The following POLR1C variants were observed in gnomAD, a reference collection of about 807,000 sequenced individuals.
POLR1C encodes the protein RNA polymerase I and III subunit C.
A neutral mutation model predicts 38.3 loss-of-function variants in POLR1C; 42 were observed. The observed-to-expected ratio is 1.10, with a 90% CI of 0.86 to 1.42. The LOEUF (loss-of-function observed/expected upper bound fraction) is 1.42, where lower values mean the gene tolerates loss of function less well. Ranked by LOEUF, POLR1C falls within the 40% of genes most tolerant of loss-of-function variation. The pLI, the probability that POLR1C is intolerant of heterozygous loss-of-function variation, is 0.00. For missense variants in POLR1C, 507 were observed against 450.5 expected, an observed-to-expected ratio of 1.13 and a Z score of -1.14; for synonymous variants, 163 against 163.9, an observed-to-expected ratio of 0.99 and a Z score of 0.04.
downstream of POLR1C, among the ~76,000 whole-genome samples, chr6:43,529,909 C>CAA (rs1191727799): frequency 1.5e-3 from 142 of 97,522 alleles, 2 homozygotes; most frequent in Admixed American, 2.8e-3. Flanking sequence ...GACCCTGTCT[C>CAA]AAAAAAAAAA....
chr6:43,524,885 G>A (rs558382987), downstream of POLR1C: 20 of 1,613,954 alleles, frequency 1.2e-5, no homozygotes, highest in South Asian at 4.4e-5. Context: ...TGCACCCGTC[G>A]TGCTGCCCGT....
downstream of POLR1C, chr6:43,526,053 G>A: frequency 2.2e-6 from 2 of 903,880 alleles, no homozygotes; most frequent in Non-Finnish European, 3.4e-6. Context: ...AGTACTAGGA[G>A]CCCTCCCACC....
chr6:43,546,694 T>C (rs1473368570), intron 9 of POLR1C: 1 of 1,612,906 alleles, frequency 6.2e-7, no homozygotes, highest in African/African-American at 1.3e-5. Flanking sequence ...CTCTTCTAGG[T>C]CAGTGGGCCA....
intron 9 of POLR1C, among the ~76,000 whole-genome samples, chr6:43,534,764 G>A (rs1035681705): frequency 6.6e-6 from 1 of 152,168 alleles, no homozygotes; most frequent in Non-Finnish European, 1.5e-5. Context: ...TTGGGAGGCC[G>A]AGGCTGGCGA....
intron 10 of POLR1C, chr6:43,553,404 A>AT: frequency 6.2e-7 from 1 of 1,607,864 alleles, no homozygotes. Flanking sequence ...CATCTGGGTG[A>AT]TAACACTTTC....
chr6:43,540,046 G>A (rs1794603040), intron 9 of POLR1C, among the ~76,000 whole-genome samples: 1 of 152,224 alleles, frequency 6.6e-6, no homozygotes, highest in Admixed American at 6.5e-5. Flanking sequence ...CCTGAGATCA[G>A]GAGTTTGAGA....
In POLR1C at chr6:43,528,117, T is replaced by A. The variant is rs373500175; in HGVS notation, c.923-1132T>A. On this transcript the variant is annotated intron_variant, in intron 8 of 8. Transcript: ENST00000304004. ...TTCCTTTTCCCACCCCAAACCTGGCTGCCAGTTCATCCACCAAGAAGAGTG... is the reference window on the plus strand; with the variant it reads ...TTCCTTTTCCCACCCCAAACCTGGCAGCCAGTTCATCCACCAAGAAGAGTG... 1.0e-5 allele frequency: 16 copies of A among 1,565,246 alleles called. No homozygotes were observed. The African/African-American group carries it at 2.0e-4, about 20-fold the overall frequency.
At chr6:43,548,409 G>A (rs1370578430) in intron 9 of POLR1C, 1 of 1,608,054 alleles carries the variant, frequency 6.2e-7, no homozygotes, top group Admixed American at 1.7e-5. Flanking sequence ...GTCAGGAGTA[G>A]CTCATTGGAG....
intron 10 of POLR1C, chr6:43,551,433 T>G: frequency 6.2e-7 from 1 of 1,613,504 alleles, no homozygotes; most frequent in East Asian, 2.2e-5. Context: ...ATAGCTCTAT[T>G]CCATCATTAA....
downstream of POLR1C, chr6:43,524,857 G>A (rs1319584134): frequency 2.5e-6 from 4 of 1,613,748 alleles, no homozygotes; most frequent in African/African-American, 4.0e-5. Context: ...TGGAAGGCCA[G>A]ATGGACCAGG....
chr6:43,560,146 A>G (rs1279708334), intron 10 of POLR1C: 2 of 1,606,290 alleles, frequency 1.2e-6, no homozygotes, highest in African/African-American at 1.3e-5. Context: ...GTATTCACCT[A>G]CATTCCACAT....
At chr6:43,552,215 G>A (rs749556032) in intron 10 of POLR1C, among the ~76,000 whole-genome samples, 12 of 151,990 alleles carry the variant, frequency 7.9e-5, no homozygotes, top group Non-Finnish European at 1.6e-4. Context: ...CCATGACCAT[G>A]CCCGGCTAAT....
At chr6:43,544,682 T>C (rs904054027) in intron 9 of POLR1C, among the ~76,000 whole-genome samples, 10 of 152,058 alleles carry the variant, frequency 6.6e-5, no homozygotes, top group African/African-American at 2.4e-4. Flanking sequence ...TGCTAGCACT[T>C]TGGGAGACTG....
chr6:43,535,898 G>A (rs1794290480), intron 9 of POLR1C, among the ~76,000 whole-genome samples: 1 of 151,588 alleles, frequency 6.6e-6, no homozygotes, highest in African/African-American at 2.4e-5. Context: ...CAAGGCCGGA[G>A]AATCACCTGA....
At chr6:43,538,324 A>C (rs2127717633) in intron 9 of POLR1C, among the ~76,000 whole-genome samples, 1 of 151,196 alleles carries the variant, frequency 6.6e-6, no homozygotes, top group East Asian at 2.0e-4. Flanking sequence ...TACTTTTTTA[A>C]ATTTTTAGTA....
downstream of POLR1C, chr6:43,530,929 C>CCAGAAGAG (rs1793931947): frequency 2.2e-6 from 3 of 1,382,920 alleles, no homozygotes; most frequent in Non-Finnish European, 2.9e-6. Flanking sequence ...GGTTTTTCAG[C>CCAGAAGAG]CAGAAGAGCA....
At chr6:43,551,149 A>G in intron 10 of POLR1C, 1 of 731,514 alleles carries the variant, frequency 1.4e-6, no homozygotes, top group Non-Finnish European at 2.0e-6. Context: ...TCAGCTACTC[A>G]GAAGGGTGAG....
chr6:43,557,652 G>T (rs1762168875), intron 10 of POLR1C, among the ~76,000 whole-genome samples: 1 of 151,854 alleles, frequency 6.6e-6, no homozygotes, highest in Admixed American at 6.6e-5. Flanking sequence ...TATTTTTGGG[G>T]TGATGAAAAT....
At chr6:43,533,040 T>A (rs898110588), downstream of POLR1C, among the ~76,000 whole-genome samples, 1 of 152,022 alleles carries the variant, frequency 6.6e-6, no homozygotes, top group African/African-American at 2.4e-5. Flanking sequence ...CAGCAGGCTG[T>A]GGGAGAATCA....
Sources: gnomAD v4.1 joint callset for allele counts (sites outside exome capture counted in the v4.1 genomes callset) on GRCh38, gnomAD v4.1.1 for gene constraint, MANE v1.5 for transcripts, NCBI Gene and HGNC (gene_info 2026-07-23, HGNC 2026-07-21) for gene names.